The following ERICH5 variants were observed in gnomAD, a reference collection of about 807,000 sequenced individuals.
The protein encoded by ERICH5 is glutamate-rich protein 5.
Under a neutral mutation model 28.0 loss-of-function variants are expected in ERICH5, and 24 were observed. That is an observed-to-expected ratio of 0.86 (90% CI 0.62 to 1.21). The LOEUF (loss-of-function observed/expected upper bound fraction) is 1.21. Among genes scored for constraint, ERICH5 ranks in the 50% most tolerant of loss-of-function variants. The pLI is 0.00. For missense variants in ERICH5, 421 were observed against 441.2 expected, an observed-to-expected ratio of 0.95 and a Z score of 0.41; for synonymous variants, 163 against 157.6, an observed-to-expected ratio of 1.03 and a Z score of -0.25.
intron 1 of ERICH5, among the ~76,000 whole-genome samples, chr8:98,083,988 C>T (rs1446276246): frequency 2.0e-5 from 3 of 152,164 alleles, no homozygotes; most frequent in Admixed American, 1.3e-4. Flanking sequence ...TCAAGTGATC[C>T]TCCCCCATCA....
intron 1 of ERICH5, among the ~76,000 whole-genome samples, chr8:98,066,531 A>G (rs1814821927): frequency 1.3e-5 from 2 of 152,202 alleles, no homozygotes; most frequent in South Asian, 4.1e-4. Context: ...ATATTTTATC[A>G]TCAATATTAA....
intron 1 of ERICH5, among the ~76,000 whole-genome samples, chr8:98,075,639 G>A (rs1040283634): frequency 3.3e-5 from 5 of 152,060 alleles, no homozygotes; most frequent in Non-Finnish European, 5.9e-5. Context: ...GCTCTCTCTG[G>A]TGCCAGTGGC....
In ERICH5 at chr8:98,093,286, A is replaced by G; in HGVS notation, c.1078A>G (p.Lys360Glu). 1 of 1,614,008 alleles carries G rather than the reference A, an allele frequency of 6.2e-7. No homozygotes were observed. Among genetic ancestry groups the G allele is most frequent in the Non-Finnish European group, 8.5e-7 (1 of 1,179,918 alleles). Residue 360 changes from lysine (K) to glutamate (E), a missense_variant, in exon 3 of 3, where the codon AAA becomes GAA. Lys to Glu is a moderately conservative substitution (Grantham distance 56). Transcript: ENST00000318528. Reference protein sequence around the residue: ...NEKVSEGAETKEEETGEVVDL... With the variant: ...NEKVSEGAETEEEETGEVVDL... ...GAAAGTGAGTGAAGGGGCTGAAACC[A>G]AAGAAGAAGAAACAGGAGAAGTGGT...
intron 1 of ERICH5, among the ~76,000 whole-genome samples, chr8:98,079,650 C>T (rs1815136523): frequency 1.3e-5 from 2 of 152,164 alleles, no homozygotes; most frequent in African/African-American, 4.8e-5. Context: ...AGTGATTCTC[C>T]TGCCTCGGCC....
chr8:98,082,945 T>C (rs1021489002), intron 1 of ERICH5, among the ~76,000 whole-genome samples: 2 of 152,218 alleles, frequency 1.3e-5, no homozygotes, highest in African/African-American at 4.8e-5. Flanking sequence ...ATGGCAAAAA[T>C]TGACGGATCA....
At chr8:98,083,751 A>G (rs1202765713) in intron 1 of ERICH5, among the ~76,000 whole-genome samples, 3 of 152,208 alleles carry the variant, frequency 2.0e-5, no homozygotes, top group African/African-American at 4.8e-5. Context: ...GCCGAGATTT[A>G]TACGTCCAAC....
intron 1 of ERICH5, among the ~76,000 whole-genome samples, chr8:98,085,839 ACT>A (rs1195354519): frequency 1.3e-5 from 2 of 151,828 alleles, no homozygotes; most frequent in Non-Finnish European, 2.9e-5. Context: ...ATCTCAGCAC[ACT>A]CAACTCATGT....
intron 2 of ERICH5, among the ~76,000 whole-genome samples, chr8:98,090,839 G>A (rs143152584): frequency 6.6e-6 from 1 of 152,102 alleles, no homozygotes; most frequent in African/African-American, 2.4e-5. Context: ...TTACATTTTG[G>A]TAAATTTTAG....
chr8:98,075,901 T>G (rs1464614239), intron 1 of ERICH5, among the ~76,000 whole-genome samples: 1 of 145,308 alleles, frequency 6.9e-6, no homozygotes, highest in African/African-American at 2.6e-5. Context: ...CCACCGTGCC[T>G]GGCCACAGAC....
chr8:98,086,731 A>T (rs2130530279), intron 1 of ERICH5, among the ~76,000 whole-genome samples: 1 of 152,212 alleles, frequency 6.6e-6, no homozygotes, highest in East Asian at 1.9e-4. Flanking sequence ...CGGGTGGATC[A>T]CGAGGTCATG....
intron 1 of ERICH5, among the ~76,000 whole-genome samples, chr8:98,066,602 AG>A (rs1474323485): frequency 6.6e-6 from 1 of 152,114 alleles, no homozygotes; most frequent in Non-Finnish European, 1.5e-5. Flanking sequence ...TGCTGTTCTG[AG>A]TTTTCATAGG....
At chr8:98,076,486 C>T (rs1425234806) in intron 1 of ERICH5, among the ~76,000 whole-genome samples, 1 of 151,718 alleles carries the variant, frequency 6.6e-6, no homozygotes, top group Non-Finnish European at 1.5e-5. Flanking sequence ...AAAAATCTCA[C>T]TCCCCAGCGT....
chr8:98,066,189 G>A (rs1444611642), intron 1 of ERICH5, among the ~76,000 whole-genome samples: 2 of 152,154 alleles, frequency 1.3e-5, no homozygotes, highest in Non-Finnish European at 2.9e-5. Context: ...CCGATGTTTC[G>A]ATGTTTCGTG....
chr8:98,086,900 G>A (rs1196096034), intron 1 of ERICH5, among the ~76,000 whole-genome samples: 1 of 147,458 alleles, frequency 6.8e-6, no homozygotes, highest in Non-Finnish European at 1.5e-5. Flanking sequence ...GCAGTGAGCC[G>A]AGATCGCGCC....
intron 1 of ERICH5, among the ~76,000 whole-genome samples, chr8:98,087,258 G>GA (rs1160408074): frequency 2.0e-5 from 3 of 151,834 alleles, no homozygotes; most frequent in African/African-American, 7.3e-5. Flanking sequence ...TAGCAACATA[G>GA]AAAAAAAATT....
At chr8:98,065,911 C>T (rs1814811954) in intron 1 of ERICH5, among the ~76,000 whole-genome samples, 1 of 152,140 alleles carries the variant, frequency 6.6e-6, no homozygotes, top group Non-Finnish European at 1.5e-5. Flanking sequence ...AAAGCTCAGC[C>T]GCTGTGTCCT....
intron 1 of ERICH5, among the ~76,000 whole-genome samples, chr8:98,070,350 T>A (rs1235174349): frequency 1.3e-5 from 2 of 149,426 alleles, no homozygotes; most frequent in Non-Finnish European, 3.0e-5. Flanking sequence ...ACAGTGAGAC[T>A]TCTCTCTAAA....
chr8:98,069,195 G>A (rs557311462), intron 1 of ERICH5, among the ~76,000 whole-genome samples: 61 of 152,182 alleles, frequency 4.0e-4, no homozygotes, highest in African/African-American at 1.3e-3. Context: ...ATAGCATTTG[G>A]TATGTCTTTG....
chr8:98,088,373 T>C (rs576946707), intron 1 of ERICH5, among the ~76,000 whole-genome samples: 21 of 152,306 alleles, frequency 1.4e-4, no homozygotes, highest in African/African-American at 4.1e-4. Flanking sequence ...GACAAGATCA[T>C]TGGGAGCTAA....
Sources: gnomAD v4.1 joint callset for allele counts (sites outside exome capture counted in the v4.1 genomes callset) on GRCh38, gnomAD v4.1.1 for gene constraint, MANE v1.5 for transcripts, NCBI Gene and HGNC (gene_info 2026-07-23, HGNC 2026-07-21) for gene names.